ACSBG2: variants seen among roughly 807,000 people sequenced by gnomAD.
ACSBG2 encodes the protein long-chain-fatty-acid--CoA ligase ACSBG2.
Under a neutral mutation model 74.7 loss-of-function variants are expected in ACSBG2, and 62 were observed. The observed-to-expected ratio is 0.83, with a 90% CI of 0.68 to 1.03. ACSBG2 has a LOEUF of 1.03. Among genes scored for constraint, ACSBG2 ranks in the 50% least tolerant of loss-of-function variants. The pLI is 0.00. For missense variants in ACSBG2, 730 were observed against 817.6 expected (o/e 0.89, Z 1.31); for synonymous variants, 309 against 294.1 (o/e 1.05, Z -0.52).
chr19:6,143,298 A>G (rs1198438712), intron 2 of ACSBG2, among the ~76,000 whole-genome samples: 1 of 151,824 alleles, frequency 6.6e-6, no homozygotes, highest in African/African-American at 2.4e-5. Flanking sequence ...CAGATTACTG[A>G]GATGAAGGTG....
chr19:6,146,690 G>A lies in ACSBG2; in HGVS notation c.68-756G>A, dbSNP rs2089046285. Among the ~76,000 whole-genome samples the A allele has an allele frequency of 3.3e-5, 5 of 151,998 alleles. No homozygotes were observed. In the South Asian group the frequency reaches 6.2e-4, roughly 19 times the overall value. ...TGAGGCAGGAAAAACGCTTGAACCC[G>A]GGAGGCGGAGGTTGCAGTGAGCCAA... On this transcript the variant is annotated intron_variant, in intron 2 of 14. Transcript: ENST00000588485.
At position 6,174,706 on chromosome 19, in the gene ACSBG2, G is replaced by A. The variant is rs1480331925; in HGVS notation, c.739-2523G>A. 2.0e-5 allele frequency among the ~76,000 whole-genome samples: 3 copies of A among 152,120 alleles called. No individual in the cohort carries two copies. The highest frequency in any genetic ancestry group is 2.9e-5 in the Non-Finnish European group (2 of 68,024). ...CACATGCCTGTAGTCCCAGCTACTC[G>A]GGAGGCTGAAGTGAGACGATCCCTT... On this transcript the variant is annotated intron_variant, in intron 7 of 14. Transcript: ENST00000588485. The surrounding 1 kb of genome is among the most constrained non-coding windows in gnomAD (Gnocchi z 4.2).
intron 7 of ACSBG2, among the ~76,000 whole-genome samples, chr19:6,169,895 T>C (rs1249107546): frequency 2.0e-5 from 3 of 152,218 alleles, no homozygotes; most frequent in Admixed American, 2.0e-4. Context: ...AATATTGGTA[T>C]ATAGAAATGC....
In ACSBG2 at chr19:6,141,618, G is replaced by T. The variant is rs1461238300; in HGVS notation, c.67+8G>T. The stretch of plus-strand genomic sequence containing the variant: ...ACATGAATAAAACAGAAGGTATATT[G>T]CACTAAAGAGTACGTGGGAGAGAGA... On this transcript the variant is annotated splice_region_variant and intron_variant, in intron 2 of 14. Transcript: ENST00000588485. The T allele has an allele frequency of 1.3e-6, 2 of 1,547,554 alleles. No homozygotes were observed. Among genetic ancestry groups the T allele is most frequent in the Non-Finnish European group, 1.8e-6 (2 of 1,119,242 alleles).
At chr19:6,145,587 C>T (rs36126573) in intron 2 of ACSBG2, among the ~76,000 whole-genome samples, 1 of 152,170 alleles carries the variant, frequency 6.6e-6, no homozygotes, top group Non-Finnish European at 1.5e-5. Flanking sequence ...AAGAGGGTCT[C>T]TTGGACTTTC....
intron 13 of ACSBG2, among the ~76,000 whole-genome samples, chr19:6,188,444 CA>C (rs1009357636): frequency 4.6e-5 from 7 of 152,056 alleles, no homozygotes; most frequent in Admixed American, 2.0e-4. Context: ...AGTTTGAGAC[CA>C]ACCTGGGCAA....
At chr19:6,191,837 T>C (rs1451639410) in intron 14 of ACSBG2, 13 of 152,164 alleles carry the variant, frequency 8.5e-5, no homozygotes, top group Non-Finnish European at 1.9e-4. Flanking sequence ...GTTGATGTCT[T>C]GTGGGTGGGC....
At chr19:6,187,900 G>T in intron 13 of ACSBG2, 55 bp downstream of exon 13, 1 of 1,586,542 alleles carries the variant, frequency 6.3e-7, no homozygotes, top group South Asian at 1.2e-5. Flanking sequence ...GGGACTGTGT[G>T]GGCTCTGAAG....
At chr19:6,162,587 A>AAAT (rs1184806696) in intron 6 of ACSBG2, among the ~76,000 whole-genome samples, 1 of 149,502 alleles carries the variant, frequency 6.7e-6, no homozygotes, top group African/African-American at 2.5e-5. Context: ...AAAAAAAAAA[A>AAAT]ATTACAAACT....
chr19:6,140,282 G>C (rs905437963), intron 1 of ACSBG2, among the ~76,000 whole-genome samples: 2 of 151,474 alleles, frequency 1.3e-5, no homozygotes, highest in Non-Finnish European at 2.9e-5. Context: ...AGGAGTGGTG[G>C]TACAAACACC....
chr19:6,181,361 A>G (rs1036088446), intron 8 of ACSBG2, among the ~76,000 whole-genome samples: 1 of 151,836 alleles, frequency 6.6e-6, no homozygotes, highest in East Asian at 1.9e-4. Flanking sequence ...AGAAAGAAAA[A>G]GAAAGAAAGG....
chr19:6,188,653 A>G (rs2090471779), intron 13 of ACSBG2, among the ~76,000 whole-genome samples: 2 of 152,170 alleles, frequency 1.3e-5, no homozygotes, highest in African/African-American at 4.8e-5. Context: ...ACAAACAAAA[A>G]TAAAAAAGGA....
At chr19:6,164,103 C>A (rs1239481906) in intron 6 of ACSBG2, among the ~76,000 whole-genome samples, 1 of 152,164 alleles carries the variant, frequency 6.6e-6, no homozygotes, top group Non-Finnish European at 1.5e-5. Context: ...TCTGTGTGCC[C>A]AACAGACTGA....
intron 12 of ACSBG2, 62 bp from the exon 13 acceptor site, chr19:6,187,537 G>A: frequency 6.2e-7 from 1 of 1,607,460 alleles, no homozygotes; most frequent in African/African-American, 1.3e-5. Flanking sequence ...TTCTTGGTCT[G>A]TGGGCCTGGG....
At chr19:6,183,013 C>T (rs777367724) in intron 9 of ACSBG2, 26 bp from the exon 10 acceptor site, 8 of 1,613,620 alleles carry the variant, frequency 5.0e-6, no homozygotes, top group South Asian at 2.2e-5. Context: ...CAGCCCTTCT[C>T]CACTTGACGG....
Position 6,185,658 on chromosome 19 carries a change from C to A in ACSBG2, c.1540+5C>A. 6.2e-7 allele frequency: 1 copy of A among 1,613,944 alleles called. No homozygotes were observed. The highest frequency in any genetic ancestry group is 8.5e-7 in the Non-Finnish European group (1 of 1,179,966). On this transcript the variant is annotated splice_donor_5th_base_variant and intron_variant, in intron 11 of 14. Coordinates refer to ENST00000588485, the MANE Select transcript of ACSBG2 (RefSeq NM_030924.5). The stretch of plus-strand genomic sequence containing the variant: ...ATGTCACCGGCCACATCAAAGGTAC[C>A]AGGGGCTGAGCTCTTTGGGAATCTC...
chr19:6,139,791 A>G (rs111475525), intron 1 of ACSBG2, among the ~76,000 whole-genome samples: 5,495 of 152,246 alleles, frequency 0.036, 202 homozygotes, highest in African/African-American at 0.1. Context: ...AGAATTTGTG[A>G]TTTTAGGCCA....
At position 6,149,293 on chromosome 19, in the gene ACSBG2, AGGCAAAT is replaced by A. The variant is rs564308119; in HGVS notation, c.297+1620_297+1626del. Among the ~76,000 whole-genome samples, 1,130 of 152,296 alleles carry A rather than the reference AGGCAAAT, an allele frequency of 7.4e-3. 8 individuals are homozygous for A. The highest frequency in any genetic ancestry group is 0.011 in the Non-Finnish European group (736 of 68,026). ...TGGCATCTCATTCTGAAGGACCAGC[AGGCAAAT>A]GCCTTCCAAATGGTTCCTTTTCCCC... On this transcript the variant is annotated intron_variant, in intron 3 of 14. Transcript: ENST00000588485.
rs200822578 is a variant in ACSBG2, at chr19:6,166,282, G to T, written c.738+267G>T. On this transcript the variant is annotated intron_variant, in intron 7 of 14. Coordinates refer to ENST00000588485, the MANE Select transcript of ACSBG2 (RefSeq NM_030924.5). ...TTCCTCTGTGTGAGTCAGGAAGGTTGTGTGTGTGTGTGTGTGTGTGTGTGT... is the reference window on the plus strand; with the variant it reads ...TTCCTCTGTGTGAGTCAGGAAGGTTTTGTGTGTGTGTGTGTGTGTGTGTGT... 1.5e-3 allele frequency among the ~76,000 whole-genome samples: 60 copies of T among 40,472 alleles called. 1 individual carries two copies. Among genetic ancestry groups the T allele is most frequent in the Non-Finnish European group, 2.7e-3 (43 of 15,720 alleles). 26.6% of individuals were successfully genotyped at this position (40,472 alleles called of 152,430 possible).
Sources: gnomAD v4.1 joint callset for allele counts (sites outside exome capture counted in the v4.1 genomes callset) on GRCh38, gnomAD v4.1.1 for gene constraint, Gnocchi (gnomAD v3.1) non-coding constraint, MANE v1.5 for transcripts, NCBI Gene and HGNC (gene_info 2026-07-23, HGNC 2026-07-21) for gene names.